NCKAP5: variants seen among roughly 807,000 people sequenced by gnomAD.
The protein encoded by NCKAP5 is NCK associated protein 5.
NCKAP5 carries 92 observed loss-of-function variants against 167.0 expected under a neutral mutation model. The ratio of observed to expected loss-of-function variants is 0.55; its 90% CI spans 0.47 to 0.66. The LOEUF (loss-of-function observed/expected upper bound fraction) is 0.66. NCKAP5 is among the 30% of genes least tolerant of loss of function. The pLI is 0.00. For missense variants in NCKAP5, 2,378 were observed against 2,315.0 expected, an observed-to-expected ratio of 1.03 and a Z score of -0.56; for synonymous variants, 891 against 877.4, an observed-to-expected ratio of 1.02 and a Z score of -0.27.
chr2:133,522,498 C>A (rs1445231752), intron 2 of NCKAP5, among the ~76,000 whole-genome samples: 1 of 152,110 alleles, frequency 6.6e-6, no homozygotes, highest in Non-Finnish European at 1.5e-5. Context: ...GAATTATTTT[C>A]TAATAAATAC....
chr2:132,895,838 A>C (rs571443465), intron 8 of NCKAP5, among the ~76,000 whole-genome samples: 11 of 151,278 alleles, frequency 7.3e-5, no homozygotes, highest in South Asian at 4.2e-4. Flanking sequence ...AAAAAACAAA[A>C]AAAAAAACAC....
intron 19 of NCKAP5, among the ~76,000 whole-genome samples, chr2:132,674,234 T>C (rs998244608): frequency 2.0e-5 from 3 of 152,198 alleles, no homozygotes; most frequent in Admixed American, 6.5e-5. Context: ...TAGTAAGTGT[T>C]ACCATTTATT....
chr2:133,138,669 G>A (rs2082886010), intron 5 of NCKAP5, among the ~76,000 whole-genome samples: 1 of 152,158 alleles, frequency 6.6e-6, no homozygotes, highest in Non-Finnish European at 1.5e-5. Flanking sequence ...AACTGCTGTA[G>A]TAAGTTCTTA....
At chr2:133,086,948 A>C (rs1487587649) in intron 6 of NCKAP5, among the ~76,000 whole-genome samples, 1 of 152,188 alleles carries the variant, frequency 6.6e-6, no homozygotes, top group Non-Finnish European at 1.5e-5. Flanking sequence ...TATCATGTTG[A>C]CATTGCTTGA....
intron 3 of NCKAP5, chr2:133,431,882 G>A (rs1162004777): frequency 2.0e-5 from 3 of 152,138 alleles, no homozygotes; most frequent in African/African-American, 7.2e-5. Context: ...CCATTTACAT[G>A]AGTATAAAGG....
chr2:133,516,851 C>T (rs961268403), intron 3 of NCKAP5, among the ~76,000 whole-genome samples: 1 of 152,316 alleles, frequency 6.6e-6, no homozygotes, highest in East Asian at 1.9e-4. Context: ...CACATGTTGG[C>T]CCAGAGACTG....
rs201558679 is a variant in NCKAP5 at position 133,545,923 on chromosome 2, T to TA, written c.-62+13126dup. ...TTTGTAGAAGATTGATACCGTTTGC[T>TA]AAAAATGCCCTGAAATTATTTTGGT... On this transcript the variant is annotated intron_variant, in intron 2 of 19. Transcript: ENST00000409261. 7.8e-3 allele frequency among the ~76,000 whole-genome samples: 1,186 copies of TA among 152,308 alleles called. 12 individuals are homozygous for TA. Among genetic ancestry groups the TA allele is most frequent in the Admixed American group, 0.022 (339 of 15,300 alleles).
chr2:133,590,274 A>T, the NCKAP5 span, among the ~76,000 whole-genome samples: 4,008 of 151,826 alleles, frequency 0.026, 62 homozygotes, highest in African/African-American at 0.038. Flanking sequence ...GCAGATCACG[A>T]GGTTAGGAGA....
At chr2:132,824,475 T>C (rs1481958786) in intron 11 of NCKAP5, among the ~76,000 whole-genome samples, 2 of 152,210 alleles carry the variant, frequency 1.3e-5, no homozygotes, top group African/African-American at 4.8e-5. Flanking sequence ...GATTTCCTTT[T>C]AGGTCTCATA....
chr2:132,864,257 T>C (rs560011000), intron 10 of NCKAP5, among the ~76,000 whole-genome samples: 1 of 152,030 alleles, frequency 6.6e-6, no homozygotes, highest in East Asian at 1.9e-4. Context: ...TCACTGAAAA[T>C]ATAAGATTGT....
At chr2:133,397,556 A>G (rs1687809352) in intron 3 of NCKAP5, among the ~76,000 whole-genome samples, 1 of 152,104 alleles carries the variant, frequency 6.6e-6, no homozygotes, top group African/African-American at 2.4e-5. Context: ...TGCCTCTGTT[A>G]TCTTTATTCT....
At chr2:132,744,489 A>G (rs1464183666) in intron 16 of NCKAP5, among the ~76,000 whole-genome samples, 2 of 151,892 alleles carry the variant, frequency 1.3e-5, no homozygotes, top group Non-Finnish European at 3.0e-5. Flanking sequence ...GCAGCTAAAC[A>G]GTGCCTTAAC....
At chr2:133,203,911 A>C (rs1385582749) in intron 5 of NCKAP5, among the ~76,000 whole-genome samples, 1 of 152,206 alleles carries the variant, frequency 6.6e-6, no homozygotes, top group African/African-American at 2.4e-5. Context: ...AATTCCTAGA[A>C]TTTTATCTCT....
chr2:133,149,273 G>C (rs2083302729), intron 5 of NCKAP5, among the ~76,000 whole-genome samples: 1 of 152,002 alleles, frequency 6.6e-6, no homozygotes, highest in Non-Finnish European at 1.5e-5. Context: ...TATCACTTTT[G>C]CCACATTTCT....
intron 5 of NCKAP5, among the ~76,000 whole-genome samples, chr2:133,182,005 A>G (rs1279013238): frequency 1.3e-5 from 2 of 152,234 alleles, no homozygotes; most frequent in South Asian, 2.1e-4. Flanking sequence ...GAGCAAAGAA[A>G]GTGACAAGAG....
intron 5 of NCKAP5, among the ~76,000 whole-genome samples, chr2:133,139,007 C>A (rs1472515883): frequency 6.6e-6 from 1 of 152,166 alleles, no homozygotes; most frequent in Non-Finnish European, 1.5e-5. Context: ...CATAGGAAAC[C>A]TGTTTGGACA....
intron 4 of NCKAP5, among the ~76,000 whole-genome samples, chr2:133,235,771 G>A (rs2087377751): frequency 6.6e-6 from 1 of 151,920 alleles, no homozygotes; most frequent in Non-Finnish European, 1.5e-5. Context: ...AGGCATGGTG[G>A]CATGCACCTG....
intron 3 of NCKAP5, among the ~76,000 whole-genome samples, chr2:133,406,590 A>AAGGAAGGG (rs1688447731): frequency 2.9e-5 from 4 of 136,602 alleles, no homozygotes; most frequent in African/African-American, 1.1e-4. Flanking sequence ...GGAAGGAAGG[A>AAGGAAGGG]AGGGAGGGAG....
chr2:132,695,887 A>G (rs1267017807), intron 19 of NCKAP5, among the ~76,000 whole-genome samples: 1 of 152,212 alleles, frequency 6.6e-6, no homozygotes, highest in East Asian at 1.9e-4. Context: ...AAGAGCATCT[A>G]ATTTCAGAGA....
Sources: allele counts gnomAD v4.1 joint callset (sites outside exome capture counted in the v4.1 genomes callset), GRCh38; gene constraint gnomAD v4.1.1; transcripts MANE v1.5; gene names NCBI Gene and HGNC (gene_info 2026-07-23, HGNC 2026-07-21).